Variants in SLC47A2 observed in about 807,000 individuals in gnomAD.
SLC47A2 encodes solute carrier family 47 member 2.
A neutral mutation model predicts 67.7 loss-of-function variants in SLC47A2; 52 were observed. The observed-to-expected ratio is 0.77, with a 90% CI of 0.61 to 0.97. The LOEUF (loss-of-function observed/expected upper bound fraction) is 0.97, where lower values mean the gene tolerates loss of function less well. SLC47A2 is among the 50% of genes least tolerant of loss of function. The pLI is 0.00. For missense variants in SLC47A2, 676 were observed against 712.3 expected, an observed-to-expected ratio of 0.95 and a Z score of 0.58; for synonymous variants, 278 against 292.9, an observed-to-expected ratio of 0.95 and a Z score of 0.52.
chr17:19,708,102 C>T (rs2085993468), intron 7 of SLC47A2, among the ~76,000 whole-genome samples, 200 bp downstream of exon 7: 2 of 152,148 alleles, frequency 1.3e-5, no homozygotes, highest in African/African-American at 2.4e-5. Context: ...TGGGCAGGAG[C>T]GGGGAGTGGC....
rs1357456851 is a variant in SLC47A2, at chr17:19,716,464, A to G, written c.92T>C (p.Met31Thr). 6.2e-7 allele frequency: 1 copy of G among 1,612,424 alleles called. No homozygotes were observed. Residue 31 changes from methionine (M) to threonine (T), a missense_variant, in exon 1 of 17, where the codon ATG (methionine) becomes ACG (threonine). Coordinates refer to ENST00000433844, the MANE Select transcript of SLC47A2 (RefSeq NM_001099646.3). ...TCCAGAAAGGGCAAAGAGAGTCCAC[A>G]TCTCAGTCCCAAAGCCTCTGGGAAC... ...RLVPRGFGTE[M>T]WTLFALSGPL...
rs758356505 is a variant in SLC47A2, at chr17:19,678,783, A to G, written c.1604T>C (p.Val535Ala). 1 of 1,614,046 alleles carries G rather than the reference A, an allele frequency of 6.2e-7. No individual in the cohort carries two copies. Among genetic ancestry groups the G allele is most frequent in the African/African-American group, 1.3e-5 (1 of 74,910 alleles). Residue 535 changes from valine to alanine, a missense_variant, in exon 17 of 17, where the codon GTG becomes GCG. Physicochemically the swap from Val to Ala is moderately conservative, Grantham distance 64. Coordinates refer to ENST00000433844, the MANE Select transcript of SLC47A2 (RefSeq NM_001099646.3). ...ALSAPTSRLS[V>A]KQLVIRRGAA... Reference sequence around the variant, plus strand: ...CCCACGGCGGATGACCAGCTGTTTCACTGATAGTCTGCTGGTAGGAGCTGA... The same window carrying G: ...CCCACGGCGGATGACCAGCTGTTTCGCTGATAGTCTGCTGGTAGGAGCTGA...
At position 19,712,085 on chromosome 17, in the gene SLC47A2, G is replaced by T. The variant is rs533421945; in HGVS notation, c.486+618C>A. On this transcript the variant is annotated intron_variant, in intron 5 of 16. Coordinates refer to ENST00000433844, the MANE Select transcript of SLC47A2 (RefSeq NM_001099646.3). ...TGTGTGTTTGAATACACACACCCGT[G>T]AATAGAAATAATCCTGGAGGGCCGG... Among the ~76,000 whole-genome samples, 5 of 152,210 alleles carry T rather than the reference G, an allele frequency of 3.3e-5. No individual in the cohort carries two copies. In the East Asian group the frequency reaches 9.6e-4, roughly 29 times the overall value.
chr17:19,704,822 CTTT>C (rs6146013), intron 10 of SLC47A2: 5,825 of 270,426 alleles, frequency 0.022, no homozygotes, highest in South Asian at 0.028. Flanking sequence ...ATGGAATGTG[CTTT>C]TTTTTTTTTT....
At chr17:19,704,822 CTTTTTTTTTTTT>C in intron 10 of SLC47A2, 3 of 273,276 alleles carry the variant, frequency 1.1e-5, no homozygotes, top group South Asian at 8.9e-5. Flanking sequence ...ATGGAATGTG[CTTTTTTTTTTTT>C]TTTTTTTTTG....
chr17:19,705,511 A>G lies in SLC47A2; in HGVS notation c.842-8T>C, dbSNP rs776759266. On this transcript the variant is annotated splice_region_variant and splice_polypyrimidine_tract_variant and intron_variant, in intron 9 of 16. Transcript: ENST00000433844. ...CCACCACACTGAGCAGCCCTAGAGA[A>G]GAGGCCCGCCGTGAGTCCGGCCCGC... is the stretch of plus-strand genomic sequence containing the variant. 7 of 1,588,430 alleles carry G rather than the reference A, an allele frequency of 4.4e-6. No homozygotes were observed. The East Asian group carries it at 1.4e-4, about 31-fold the overall frequency.
chr17:19,714,972 G>T (rs1035716775), intron 2 of SLC47A2, 144 bp downstream of exon 2: 349 of 1,250,254 alleles, frequency 2.8e-4, no homozygotes, highest in African/African-American at 1.2e-4. Context: ...CGGCCCTCAG[G>T]TTCCACCTGT....
Position 19,705,456 on chromosome 17 carries a change from C to T in SLC47A2, c.889G>A (p.Val297Met), listed in dbSNP as rs1483112135. The change falls in exon 10 of 17, where the codon GTG (valine) becomes ATG (methionine). Residue 297 changes from valine (V) to methionine (M), a missense_variant. Transcript: ENST00000433844. ...DLSAQAVIYE[V>M]ATVTYMIPLG... ...CTTACCATGTAGGTCACAGTGGCCA[C>T]CTCGTAGATGACAGCCTGGGCAGAG... 4 of 1,612,614 alleles carry T rather than the reference C, an allele frequency of 2.5e-6. No individual in the cohort carries two copies. The highest frequency in any genetic ancestry group is 1.7e-5 in the Admixed American group (1 of 59,860).
intron 13 of SLC47A2, among the ~76,000 whole-genome samples, chr17:19,687,246 A>G (rs2085447506): frequency 6.6e-6 from 1 of 152,222 alleles, no homozygotes; most frequent in Non-Finnish European, 1.5e-5. Context: ...GAAACAAATG[A>G]TAATGGAAAC....
At chr17:19,707,931 C>CCCACA in intron 7 of SLC47A2, 88 bp from the exon 8 acceptor site, 1 of 1,247,562 alleles carries the variant, frequency 8.0e-7, no homozygotes, top group Non-Finnish European at 1.1e-6. Flanking sequence ...GGCGGCCAGC[C>CCCACA]CGTGTGGGGC....
chr17:19,713,774 C>A (rs144043181), intron 4 of SLC47A2, 51 bp downstream of exon 4: 3 of 1,578,032 alleles, frequency 1.9e-6, no homozygotes, highest in Admixed American at 3.4e-5. Flanking sequence ...TTTCCCTCGG[C>A]GGCCCGGGTT....
chr17:19,695,621 A>G (rs1281833139), intron 13 of SLC47A2, among the ~76,000 whole-genome samples: 1 of 152,102 alleles, frequency 6.6e-6, no homozygotes, highest in African/African-American at 2.4e-5. Flanking sequence ...TTTGCAAATC[A>G]TAAAGCTTGA....
chr17:19,704,792 G>A (rs1267743920), intron 10 of SLC47A2: 6 of 942,950 alleles, frequency 6.4e-6, no homozygotes, highest in African/African-American at 1.7e-5. Flanking sequence ...GCAGTGTGCA[G>A]GAATGTGGCC....
At chr17:19,695,358 A>C (rs2085635412) in intron 13 of SLC47A2, among the ~76,000 whole-genome samples, 1 of 151,956 alleles carries the variant, frequency 6.6e-6, no homozygotes. Flanking sequence ...GCATTGGCTC[A>C]TGCCTGTAAT....
In SLC47A2 at chr17:19,685,772, C is replaced by G. The variant is rs968291908; in HGVS notation, c.1165-4102G>C. On this transcript the variant is annotated intron_variant, in intron 13 of 16. Transcript: ENST00000433844. This position sits in a 1 kb window ranked among gnomAD's most constrained non-coding sequence, Gnocchi z 4.5. ...CTATGACCCTGCCACATCCCCCTCT[C>G]TGAGAAACACCCAAAAATGATCAAT... Among the ~76,000 whole-genome samples the G allele has an allele frequency of 8.5e-5, 13 of 152,066 alleles. No homozygotes were observed. The highest frequency in any genetic ancestry group is 3.1e-4 in the African/African-American group (13 of 41,414).
chr17:19,698,114 T>C (rs2085706047), intron 13 of SLC47A2, among the ~76,000 whole-genome samples: 1 of 152,098 alleles, frequency 6.6e-6, no homozygotes, highest in Non-Finnish European at 1.5e-5. Context: ...TTCTAAAGCT[T>C]ATGTAGAAAG....
chr17:19,678,515 T>A lies in SLC47A2; in HGVS notation c.*171A>T. On this transcript the variant is annotated 3_prime_UTR_variant, in exon 17 of 17. Transcript: ENST00000433844. ...GACCAGAACAGAATTGTCAAGTCTG[T>A]TCAGACCCCTCTGAGTGTCACCACA... 1 of 657,800 alleles carries A rather than the reference T, an allele frequency of 1.5e-6. No homozygotes were observed. 40.7% of individuals were successfully genotyped at this position (657,800 alleles called of 1,614,324 possible). A position where few individuals can be genotyped will look rare whatever the true frequency, so the allele number is the denominator to read the frequency against.
intron 11 of SLC47A2, 40 bp downstream of exon 11, chr17:19,704,030 G>A (rs1298562287): frequency 6.6e-7 from 1 of 1,514,366 alleles, no homozygotes; most frequent in South Asian, 1.2e-5. Flanking sequence ...GGTGACTCAG[G>A]CCAACGTTTG....
chr17:19,679,380 G>A (rs1307975799), intron 16 of SLC47A2, among the ~76,000 whole-genome samples: 1 of 152,178 alleles, frequency 6.6e-6, no homozygotes, highest in Admixed American at 6.5e-5. Flanking sequence ...TGGCACTCAG[G>A]ACCAGCCCTG....
Sources: allele counts gnomAD v4.1 joint callset (sites outside exome capture counted in the v4.1 genomes callset), GRCh38; gene constraint gnomAD v4.1.1; non-coding constraint Gnocchi (gnomAD v3.1); transcripts MANE v1.5; gene names NCBI Gene and HGNC (gene_info 2026-07-23, HGNC 2026-07-21).